MCF2L2: variants seen among roughly 807,000 people sequenced by gnomAD.
MCF2L2 encodes MCF.2 cell line derived transforming sequence-like 2.
In MCF2L2, 102 loss-of-function variants were observed where a neutral mutation model predicts 150.2. The observed-to-expected ratio is 0.68, with a 90% CI of 0.58 to 0.80. The LOEUF is 0.80. Among genes scored for constraint, MCF2L2 ranks in the 30% least tolerant of loss-of-function variants. The pLI, the probability that MCF2L2 is intolerant of heterozygous loss-of-function variation, is 0.00. For synonymous variants in MCF2L2, 465 were observed against 491.3 expected (o/e 0.95, Z 0.71); for missense variants, 1,256 against 1,372.8 (o/e 0.91, Z 1.34).
In MCF2L2 at chr3:183,283,779, C is replaced by T. The variant is rs1727639750; in HGVS notation, c.1776+5341G>A. On this transcript the variant is annotated intron_variant, in intron 14 of 29. Transcript: ENST00000328913. This position sits in a 1 kb window ranked among gnomAD's most constrained non-coding sequence, Gnocchi z 4.2. ...TCAGGTGATCCACCCACCTCAGCCT[C>T]CCAAAGTGCTGGGATTACAGGTGTG... is the stretch of plus-strand genomic sequence containing the variant. Among the ~76,000 whole-genome samples, 3 of 152,198 alleles carry T rather than the reference C, an allele frequency of 2.0e-5. No homozygotes were observed. Among genetic ancestry groups the T allele is most frequent in the Non-Finnish European group, 4.4e-5 (3 of 68,048 alleles).
At chr3:183,271,052 G>T in intron 15 of MCF2L2, 3 of 945,884 alleles carry the variant, frequency 3.2e-6, no homozygotes, top group Non-Finnish European at 4.6e-6. Flanking sequence ...TATTTTGAAA[G>T]CCTAGTCCAT....
At chr3:183,180,256 C>G in intron 27 of MCF2L2, 97 bp from the exon 28 acceptor site, 1 of 767,266 alleles carries the variant, frequency 1.3e-6, no homozygotes, top group Non-Finnish European at 2.3e-6. Flanking sequence ...GTTGCAGGCA[C>G]GGTCCTCCCC....
intron 14 of MCF2L2, among the ~76,000 whole-genome samples, chr3:183,286,404 T>C (rs934117458): frequency 6.6e-6 from 1 of 152,186 alleles, no homozygotes; most frequent in Admixed American, 6.5e-5. Flanking sequence ...CAGAGCTAGA[T>C]GCATGCTCAA....
At chr3:183,350,642 C>T (rs6799432) in intron 3 of MCF2L2, among the ~76,000 whole-genome samples, 21,734 of 152,088 alleles carry the variant, frequency 0.14, 2,845 homozygotes, top group African/African-American at 0.35. Context: ...CGGGGGCTCA[C>T]GCCTGTAATC....
At chr3:183,396,326 G>C (rs1192265371) in intron 1 of MCF2L2, among the ~76,000 whole-genome samples, 1 of 152,096 alleles carries the variant, frequency 6.6e-6, no homozygotes, top group Non-Finnish European at 1.5e-5. Flanking sequence ...GAAGTGCTTA[G>C]ATAAGAGAAA....
intron 1 of MCF2L2, among the ~76,000 whole-genome samples, chr3:183,394,015 A>G (rs545543807): frequency 1.3e-5 from 2 of 152,380 alleles, no homozygotes; most frequent in East Asian, 1.9e-4. Flanking sequence ...CTGAGGGGAA[A>G]AAAAGAAAAA....
Position 183,270,253 on chromosome 3 carries a change from G to T in MCF2L2, c.1862+6619C>A. ...AGAAAACTGGCTTGGGAAGATCAAA[G>T]GTACAATGATATAATTCAGCAAGAC... On this transcript the variant is annotated intron_variant, in intron 15 of 29. Coordinates refer to ENST00000328913, the MANE Select transcript of MCF2L2 (RefSeq NM_015078.4). This position sits in a 1 kb window ranked among gnomAD's most constrained non-coding sequence, Gnocchi z 4.5. 6.2e-7 allele frequency: 1 copy of T among 1,614,100 alleles called. No homozygotes were observed. Among genetic ancestry groups the T allele is most frequent in the African/African-American group, 1.3e-5 (1 of 75,034 alleles).
In MCF2L2 at chr3:183,428,457, A is replaced by G. The variant is rs976082050; in HGVS notation, c.-480T>C. The G allele has an allele frequency of 6.4e-6, 1 of 156,122 alleles. No individual in the cohort carries two copies. Among genetic ancestry groups the G allele is most frequent in the African/African-American group, 2.4e-5 (1 of 41,438 alleles). 9.7% of individuals were successfully genotyped at this position (156,122 alleles called of 1,614,324 possible). On this transcript the variant is annotated 5_prime_UTR_variant, in exon 1 of 30. Transcript: ENST00000328913. The surrounding 1 kb of genome is among the most constrained non-coding windows in gnomAD (Gnocchi z 5.1). ...CCCCAGCGCCCACCTCGTCCAGCCC[A>G]CGGGTGGCGCCCGGGGCTCTCGGGG... is the stretch of plus-strand genomic sequence containing the variant.
intron 15 of MCF2L2, among the ~76,000 whole-genome samples, chr3:183,264,424 T>G (rs978544894): frequency 1.3e-5 from 2 of 152,248 alleles, no homozygotes; most frequent in African/African-American, 4.8e-5. Context: ...CATTGTTGTC[T>G]GTGGGAACTA....
chr3:183,425,068 A>G (rs1184735970), intron 1 of MCF2L2, among the ~76,000 whole-genome samples: 1 of 150,984 alleles, frequency 6.6e-6, no homozygotes, highest in Non-Finnish European at 1.5e-5. Context: ...CGTAGTATAC[A>G]TCAGAGGCAG....
Position 183,309,974 on chromosome 3 carries a change from T to G in MCF2L2, c.994-139A>C, listed in dbSNP as rs1374623386. The G allele has an allele frequency of 1.3e-5, 11 of 867,910 alleles. No individual in the cohort carries two copies. In the Admixed American group the frequency reaches 3.0e-4, roughly 24 times the overall value. The allele number at this position is 867,910 out of a possible 1,614,324, so 53.8% of individuals were successfully genotyped here. ...TATATCTATATATGTTAAAAATTTT[T>G]TTTTTGCAGCTCACTAACTTTCAAA... On this transcript the variant is annotated intron_variant, in intron 9 of 29. Coordinates refer to ENST00000328913, the MANE Select transcript of MCF2L2 (RefSeq NM_015078.4).
At chr3:183,288,985 T>A (rs1336379116) in intron 14 of MCF2L2, 135 bp downstream of exon 14, 1 of 579,154 alleles carries the variant, frequency 1.7e-6, no homozygotes, top group African/African-American at 1.9e-5. Context: ...AAACCCCAGT[T>A]CTTGAAAGCA....
chr3:183,243,484 C>G (rs1724121906), intron 15 of MCF2L2, among the ~76,000 whole-genome samples: 1 of 152,168 alleles, frequency 6.6e-6, no homozygotes, highest in Non-Finnish European at 1.5e-5. Flanking sequence ...TCTTTCTCTA[C>G]AAGAGATAAG....
intron 14 of MCF2L2, among the ~76,000 whole-genome samples, chr3:183,284,145 G>A (rs1445209118): frequency 6.6e-6 from 1 of 152,122 alleles, no homozygotes; most frequent in Non-Finnish European, 1.5e-5. Context: ...TGGTGAAAGA[G>A]CAAGGCCAAC....
intron 6 of MCF2L2, among the ~76,000 whole-genome samples, chr3:183,321,670 C>G (rs571767711): frequency 1.3e-5 from 2 of 152,194 alleles, no homozygotes; most frequent in Non-Finnish European, 2.9e-5. Flanking sequence ...AAATGAAACA[C>G]GACTGTATGT....
At chr3:183,358,275 G>A (rs1420774083) in intron 3 of MCF2L2, among the ~76,000 whole-genome samples, 4 of 152,082 alleles carry the variant, frequency 2.6e-5, no homozygotes, top group African/African-American at 9.6e-5. Context: ...CCTGGGCAAT[G>A]AGAGCGAAAC....
chr3:183,214,186 G>C (rs73886282), intron 22 of MCF2L2, among the ~76,000 whole-genome samples: 2,220 of 152,184 alleles, frequency 0.015, 54 homozygotes, highest in African/African-American at 0.048. Context: ...AATTTAATAG[G>C]GATGTCTAAT....
At chr3:183,394,336 T>G (rs558384253) in intron 1 of MCF2L2, among the ~76,000 whole-genome samples, 1 of 152,212 alleles carries the variant, frequency 6.6e-6, no homozygotes, top group Non-Finnish European at 1.5e-5. Flanking sequence ...GATTAACTGG[T>G]TGAATCAGTT....
chr3:183,353,687 C>T (rs1024400371), intron 3 of MCF2L2, among the ~76,000 whole-genome samples: 5 of 152,070 alleles, frequency 3.3e-5, no homozygotes, highest in Non-Finnish European at 5.9e-5. Flanking sequence ...GGGAAATCTG[C>T]CCCCATGATC....
Sources: gnomAD v4.1 joint callset for allele counts (sites outside exome capture counted in the v4.1 genomes callset) on GRCh38, gnomAD v4.1.1 for gene constraint, Gnocchi (gnomAD v3.1) non-coding constraint, MANE v1.5 for transcripts, NCBI Gene and HGNC (gene_info 2026-07-23, HGNC 2026-07-21) for gene names.